WNK4: variants seen among roughly 807,000 people sequenced by gnomAD.
WNK4 encodes the protein WNK lysine deficient protein kinase 4.
WNK4 carries 94 observed loss-of-function variants against 116.2 expected under a neutral mutation model. The ratio of observed to expected loss-of-function variants is 0.81; its 90% CI spans 0.68 to 0.96. The LOEUF (loss-of-function observed/expected upper bound fraction) is 0.96, where lower values mean the gene tolerates loss of function less well. WNK4 is among the 40% of genes least tolerant of loss of function. WNK4 has a pLI of 0.00. For synonymous variants in WNK4, 655 were observed against 672.7 expected, an observed-to-expected ratio of 0.97 and a Z score of 0.41; for missense variants, 1,542 against 1,650.6, an observed-to-expected ratio of 0.93 and a Z score of 1.14.
chr17:42,787,415 A>C lies in WNK4; in HGVS notation c.1614A>C (p.Gly538=). ...TGGAGGCACTCCCACCAGAGCCAGG[A>C]CCTCCACCAGCAACTGTGCCCATGG... ...RELEALPPEP[G]PPPATVPMAP... Residue 538 remains glycine, a synonymous_variant, in exon 7 of 19, where the codon GGA becomes GGC. Coordinates refer to ENST00000246914, the MANE Select transcript of WNK4 (RefSeq NM_032387.5). 6.2e-7 allele frequency: 1 copy of C among 1,613,972 alleles called. No individual in the cohort carries two copies. Among genetic ancestry groups the C allele is most frequent in the Non-Finnish European group, 8.5e-7 (1 of 1,179,998 alleles).
chr17:42,788,604 T>A (rs2054577821), intron 10 of WNK4, 77 bp from the exon 11 acceptor site: 1 of 1,320,332 alleles, frequency 7.6e-7, no homozygotes, highest in African/African-American at 1.4e-5. Flanking sequence ...CTGCTGTCAC[T>A]TGGCTGGGGT....
chr17:42,784,147 G>A lies in WNK4; in HGVS notation c.1002G>A (p.Lys334=), dbSNP rs778377540. The change falls in exon 3 of 19, where the codon AAG becomes AAA. Residue 334 remains lysine (K), a synonymous_variant. Coordinates refer to ENST00000246914, the MANE Select transcript of WNK4 (RefSeq NM_032387.5). This position sits in a 1 kb window ranked among gnomAD's most constrained non-coding sequence, Gnocchi z 4.4. ...CGCTCAAGCGCGCCTCCTTTGCCAA[G>A]AGTGTCATCGGTGCGTCTCTCCAGG... ...LATLKRASFA[K]SVIGTPEFMA... is the part of the protein sequence containing the mutation. The A allele has an allele frequency of 8.7e-6, 14 of 1,605,994 alleles. No individual in the cohort carries two copies. In the African/African-American group the frequency reaches 1.9e-4, roughly 21 times the overall value.
At chr17:42,781,366 T>C (rs746482645) in intron 1 of WNK4, 50 bp downstream of exon 1, 4 of 1,612,458 alleles carry the variant, frequency 2.5e-6, no homozygotes, top group African/African-American at 2.7e-5. Context: ...ACTCTGGAGG[T>C]CTTAGGATGA....
At position 42,782,789 on chromosome 17, in the gene WNK4, G is replaced by C; in HGVS notation, c.650G>C (p.Arg217Pro). Residue 217 changes from arginine to proline, a missense_variant, in exon 2 of 19, where the codon CGC (arginine) becomes CCC (proline). By Grantham distance (103) the Arg-to-Pro change is moderately radical. This residue lies in a region of WNK4 where 808 missense variants were observed against 873.6 expected (regional missense o/e 0.92). Transcript: ENST00000246914. The surrounding 1 kb of genome is among the most constrained non-coding windows in gnomAD (Gnocchi z 4.2). ...AAACTGTCTAGAGCTGAGCGGCAGCGCTTCTCAGAGGAGGTGGAGATGCTC... is the reference window on the plus strand; with the variant it reads ...AAACTGTCTAGAGCTGAGCGGCAGCCCTTCTCAGAGGAGGTGGAGATGCTC... The part of the protein sequence containing the change: ...TRKLSRAERQ[R>P]FSEEVEMLKG... The C allele has an allele frequency of 6.2e-7, 1 of 1,614,156 alleles. No individual in the cohort carries two copies. The highest frequency in any genetic ancestry group is 1.6e-4 in the Middle Eastern group (1 of 6,062).
intron 2 of WNK4, 83 bp downstream of exon 2, chr17:42,783,013 T>C (rs1227010447): frequency 1.3e-6 from 2 of 1,535,542 alleles, no homozygotes; most frequent in African/African-American, 2.7e-5. Context: ...CTCCTCAAAC[T>C]CTCTAATATC....
At chr17:42,792,837 C>T (rs1488571276) in intron 11 of WNK4, among the ~76,000 whole-genome samples, 2 of 152,174 alleles carry the variant, frequency 1.3e-5, no homozygotes, top group Non-Finnish European at 2.9e-5. Flanking sequence ...GTATGTGGGC[C>T]TGTGTGTTAT....
chr17:42,790,354 G>A (rs1462881413), intron 11 of WNK4, among the ~76,000 whole-genome samples: 1 of 152,100 alleles, frequency 6.6e-6, no homozygotes, highest in Non-Finnish European at 1.5e-5. Flanking sequence ...AAGGAGAGTA[G>A]GAGAGTAGGC....
intron 6 of WNK4, among the ~76,000 whole-genome samples, chr17:42,785,903 C>A (rs904728909): frequency 3.3e-5 from 5 of 152,188 alleles, no homozygotes; most frequent in African/African-American, 1.2e-4. Context: ...TTACAGCACT[C>A]CCCACTATCG....
chr17:42,792,485 G>T (rs2054616195), intron 11 of WNK4, among the ~76,000 whole-genome samples: 1 of 152,134 alleles, frequency 6.6e-6, no homozygotes, highest in South Asian at 2.1e-4. Context: ...ATCTCCAGGG[G>T]TTTTCTTACC....
rs541261467 is a variant in WNK4, at chr17:42,782,001, C to A, written c.618+685C>A. 3.3e-5 allele frequency among the ~76,000 whole-genome samples: 5 copies of A among 152,332 alleles called. No individual in the cohort carries two copies. The highest frequency in any genetic ancestry group is 1.2e-4 in the African/African-American group (5 of 41,586). On this transcript the variant is annotated intron_variant, in intron 1 of 18. Coordinates refer to ENST00000246914, the MANE Select transcript of WNK4 (RefSeq NM_032387.5). This position sits in a 1 kb window ranked among gnomAD's most constrained non-coding sequence, Gnocchi z 4.2. The stretch of plus-strand genomic sequence containing the variant: ...ACTAAGCCCATGGGCTTTAGGGGGA[C>A]CTTCCTCCCATTGCTCCCATGCTAC...
Position 42,796,286 on chromosome 17 carries a change from C to A in WNK4, c.3595C>A (p.Arg1199Ser), listed in dbSNP as rs200519604. 3.3e-4 allele frequency: 525 copies of A among 1,611,906 alleles called. 1 individual carries two copies. Among genetic ancestry groups the A allele is most frequent in the Non-Finnish European group, 2.0e-5 (24 of 1,179,232 alleles). The change falls in exon 17 of 19, where the codon CGC becomes AGC. Residue 1199 changes from arginine to serine, a missense_variant. Arg to Ser is a moderately radical substitution (Grantham distance 110, BLOSUM62 -1). Around this residue, in one of 7 missense-constraint regions of WNK4, gnomAD observed 148 missense variants for 157.2 expected, o/e 0.94. Coordinates refer to ENST00000246914, the MANE Select transcript of WNK4 (RefSeq NM_032387.5). ...LSKGSFPTSR[R>S]NSLQRSEPPG... ...CAAGGGCAGCTTCCCCACCTCCCGC[C>A]GCAACAGCCTACAGCGCTCTGAGCC...
intron 2 of WNK4, among the ~76,000 whole-genome samples, chr17:42,783,203 G>A (rs528965351): frequency 2.0e-5 from 3 of 152,004 alleles, no homozygotes; most frequent in African/African-American, 7.3e-5. Flanking sequence ...TCCCCACCTG[G>A]CTTTCACTGC....
At chr17:42,783,557 T>G (rs2054507453) in intron 2 of WNK4, 1 of 333,484 alleles carries the variant, frequency 3.0e-6, no homozygotes, top group Admixed American at 4.5e-5. Context: ...GTGTCCTGTC[T>G]GCCTGGGAAG....
chr17:42,780,906 C>T lies in WNK4; in HGVS notation c.208C>T (p.Leu70=), dbSNP rs1462236319. ...SRRSSVDLGL[L]SSWSLPASPA... The stretch of plus-strand genomic sequence containing the variant: ...CCGTAGCTCAGTCGACTTGGGGCTG[C>T]TGAGCTCTTGGTCCCTGCCAGCCTC... Residue 70 remains leucine, a synonymous_variant, in exon 1 of 19, where the codon CTG becomes TTG. Transcript: ENST00000246914. 6.2e-7 allele frequency: 1 copy of T among 1,607,738 alleles called. No homozygotes were observed. The highest frequency in any genetic ancestry group is 1.7e-5 in the Admixed American group (1 of 60,024).
At chr17:42,792,304 A>G in intron 11 of WNK4, among the ~76,000 whole-genome samples, 1 of 132,136 alleles carries the variant, frequency 7.6e-6, no homozygotes, top group Non-Finnish European at 1.5e-5. Context: ...CCAAAGACTT[A>G]CTCTGTGAAA....
Position 42,781,198 on chromosome 17 carries a change from C to A in WNK4, c.500C>A (p.Thr167Lys), listed in dbSNP as rs376782226. Residue 167 changes from threonine to lysine, a missense_variant, in exon 1 of 19, where the codon ACG becomes AAG. By Grantham distance (78) the Thr-to-Lys change is moderately conservative (BLOSUM62 -1). This residue lies in a region of WNK4 where 44 missense variants were observed against 77.7 expected (regional missense o/e 0.57). Coordinates refer to ENST00000246914, the MANE Select transcript of WNK4 (RefSeq NM_032387.5). ...GACATGGAGACCCAGGCTGTGGCAACGTCCCCCGATGGCCGATACCTCAAG... is the reference window on the plus strand; with the variant it reads ...GACATGGAGACCCAGGCTGTGGCAAAGTCCCCCGATGGCCGATACCTCAAG... ...KEDMETQAVA[T>K]SPDGRYLKFD... 36 of 1,614,054 alleles carry A rather than the reference C, an allele frequency of 2.2e-5. No homozygotes were observed. The highest frequency in any genetic ancestry group is 3.1e-5 in the Non-Finnish European group (36 of 1,180,042).
intron 14 of WNK4, 23 bp downstream of exon 14, chr17:42,795,405 T>C (rs1190458568): frequency 6.2e-7 from 1 of 1,614,022 alleles, no homozygotes; most frequent in Non-Finnish European, 8.5e-7. Context: ...CCAAGAGGGA[T>C]GATTAGGGAG....
In WNK4 at chr17:42,785,409, C is replaced by A; in HGVS notation, c.1403C>A (p.Pro468Gln). 6.4e-7 allele frequency: 1 copy of A among 1,571,150 alleles called. No individual in the cohort carries two copies. Among genetic ancestry groups the A allele is most frequent in the East Asian group, 2.3e-5 (1 of 42,578 alleles). ...RMEDARRGGR[P>Q]RDNQAIEFLF... Reference sequence around the variant, plus strand: ...GAGGACGCGCGGCGCGGGGGGCGCCCACGGGACAACCAGGCCATCGAGTTC... The same window carrying A: ...GAGGACGCGCGGCGCGGGGGGCGCCAACGGGACAACCAGGCCATCGAGTTC... Residue 468 changes from proline to glutamine, a missense_variant, in exon 6 of 19, where the codon CCA (proline) becomes CAA (glutamine). By Grantham distance (76) the Pro-to-Gln change is moderately conservative. Coordinates refer to ENST00000246914, the MANE Select transcript of WNK4 (RefSeq NM_032387.5).
Position 42,796,198 on chromosome 17 carries a change from G to C in WNK4, c.3507G>C (p.Lys1169Asn). 1 of 1,614,026 alleles carries C rather than the reference G, an allele frequency of 6.2e-7. No homozygotes were observed. Among genetic ancestry groups the C allele is most frequent in the Non-Finnish European group, 8.5e-7 (1 of 1,180,000 alleles). ...AAGATTTGTACAGCCGGCTGGGGAAGCAGCCCCCACCGGGTATTGTGGCCC... is the reference window on the plus strand; with the variant it reads ...AAGATTTGTACAGCCGGCTGGGGAACCAGCCCCCACCGGGTATTGTGGCCC... ...EIEDLYSRLGKQPPPGIVAPA... is the reference protein window; with the variant it reads ...EIEDLYSRLGNQPPPGIVAPA... Residue 1169 changes from lysine (K) to asparagine (N), a missense_variant, in exon 17 of 19, where the codon AAG becomes AAC. Physicochemically the swap from Lys to Asn is moderately conservative, Grantham distance 94. Transcript: ENST00000246914.
Sources: gnomAD v4.1 joint callset for allele counts (sites outside exome capture counted in the v4.1 genomes callset) on GRCh38, gnomAD v4.1.1 for gene constraint, gnomAD v4.1.1 regional missense constraint, Gnocchi (gnomAD v3.1) non-coding constraint, MANE v1.5 for transcripts, NCBI Gene and HGNC (gene_info 2026-07-23, HGNC 2026-07-21) for gene names.